The following RELN variants were observed in gnomAD, a reference collection of about 807,000 sequenced individuals.
RELN encodes the protein reelin.
A neutral mutation model predicts 427.6 loss-of-function variants in RELN; 108 were observed. The ratio of observed to expected loss-of-function variants is 0.25; its 90% CI spans 0.22 to 0.30. The LOEUF (loss-of-function observed/expected upper bound fraction) is 0.30. Among genes scored for constraint, RELN ranks in the 10% least tolerant of loss-of-function variants. The probability of loss-of-function intolerance (pLI) is 1.00; values close to 1 mark genes in which losing one functional copy is unlikely to be tolerated. For missense variants in RELN, 3,715 were observed against 4,302.8 expected (o/e 0.86, Z 3.82); for synonymous variants, 1,524 against 1,513.4 (o/e 1.01, Z -0.16).
chr7:103,739,499 T>C (rs531793051), intron 6 of RELN, among the ~76,000 whole-genome samples: 1 of 152,292 alleles, frequency 6.6e-6, no homozygotes, highest in East Asian at 1.9e-4. Context: ...GTGGTATTCA[T>C]TCATTTGTGC....
intron 51 of RELN, among the ~76,000 whole-genome samples, chr7:103,510,244 C>T (rs917803085): frequency 3.9e-5 from 6 of 152,116 alleles, no homozygotes; most frequent in African/African-American, 1.4e-4. Context: ...CAACCAAATG[C>T]CCATCAATGA....
chr7:103,942,926 T>A (rs983230933), intron 1 of RELN, among the ~76,000 whole-genome samples: 7 of 143,882 alleles, frequency 4.9e-5, no homozygotes, highest in Non-Finnish European at 3.1e-5. Flanking sequence ...AAAAAAAAAA[T>A]TCTTAAAAGT....
In RELN at chr7:103,696,805, A is replaced by G. The variant is rs550962105; in HGVS notation, c.1143+1048T>C. ...CGTTCAGTCCTCTATCCTCAAAGGG[A>G]TATTTCAAAAACAAATATGATTGGC... On this transcript the variant is annotated intron_variant, in intron 10 of 64. Coordinates refer to ENST00000428762, the MANE Select transcript of RELN (RefSeq NM_005045.4). Among the ~76,000 whole-genome samples, 11 of 152,220 alleles carry G rather than the reference A, an allele frequency of 7.2e-5. No individual in the cohort carries two copies. In the East Asian group the frequency reaches 2.1e-3, roughly 29 times the overall value.
At chr7:103,786,666 T>C (rs1488638533) in intron 3 of RELN, among the ~76,000 whole-genome samples, 2 of 152,098 alleles carry the variant, frequency 1.3e-5, no homozygotes, top group African/African-American at 2.4e-5. Context: ...CCTAAATATA[T>C]ATGCATCCAA....
intron 2 of RELN, among the ~76,000 whole-genome samples, chr7:103,903,931 C>T (rs1438179658): frequency 6.6e-6 from 1 of 151,944 alleles, no homozygotes; most frequent in Non-Finnish European, 1.5e-5. Flanking sequence ...TGGTTTGCTG[C>T]ACCTATCAAC....
At chr7:103,866,527 GACC>G (rs1794201259) in intron 2 of RELN, among the ~76,000 whole-genome samples, 1 of 151,850 alleles carries the variant, frequency 6.6e-6, no homozygotes, top group Non-Finnish European at 1.5e-5. Flanking sequence ...ACATGATTTG[GACC>G]CCAGTAAATC....
At chr7:103,504,251 T>C (rs796136156) in intron 51 of RELN, among the ~76,000 whole-genome samples, 2 of 152,184 alleles carry the variant, frequency 1.3e-5, no homozygotes, top group South Asian at 2.1e-4. Flanking sequence ...ATAGTTAGTA[T>C]TAATAGAGAG....
intron 2 of RELN, among the ~76,000 whole-genome samples, chr7:103,842,757 T>C (rs1355672859): frequency 2.0e-5 from 3 of 152,242 alleles, no homozygotes; most frequent in Non-Finnish European, 4.4e-5. Context: ...TGTGTATCTA[T>C]GGACTTAAGT....
At chr7:103,560,566 A>T (rs188854186) in intron 36 of RELN, among the ~76,000 whole-genome samples, 44 of 152,302 alleles carry the variant, frequency 2.9e-4, no homozygotes, top group Admixed American at 2.6e-3. Flanking sequence ...TAGTCTTGTC[A>T]ACTGGTTCAA....
At chr7:103,735,513 G>GGAT (rs1489772342) in intron 6 of RELN, among the ~76,000 whole-genome samples, 1 of 152,076 alleles carries the variant, frequency 6.6e-6, no homozygotes, top group Non-Finnish European at 1.5e-5. Context: ...AAGAGGAGGA[G>GGAT]GATGAATGAG....
chr7:103,643,681 G>T (rs1450005107), intron 16 of RELN, among the ~76,000 whole-genome samples: 1 of 151,936 alleles, frequency 6.6e-6, no homozygotes, highest in Non-Finnish European at 1.5e-5. Flanking sequence ...AATTCCATCA[G>T]ACTAACAGTG....
rs2116986832 is a variant in RELN, at chr7:103,486,339, C to T, written c.9841G>A (p.Ala3281Thr). Reference protein sequence around the residue: ...DNFESARVTEANWETIQGGVI... With the variant: ...DNFESARVTETNWETIQGGVI... ...CCACCTTGAATGGTCTCCCAGTTTG[C>T]CTCGGTGACTCTTGCGGACTCAAAA... is the stretch of plus-strand genomic sequence containing the variant. The change falls in exon 61 of 65, where the codon GCA (alanine) becomes ACA (threonine). Residue 3281 changes from alanine (A) to threonine (T), a missense_variant. This residue lies in a region of RELN where 195 missense variants were observed against 281.3 expected (regional missense o/e 0.69). Coordinates refer to ENST00000428762, the MANE Select transcript of RELN (RefSeq NM_005045.4). 2 of 1,614,138 alleles carry T rather than the reference C, an allele frequency of 1.2e-6. No individual in the cohort carries two copies. Among genetic ancestry groups the T allele is most frequent in the Non-Finnish European group, 8.5e-7 (1 of 1,180,018 alleles).
chr7:103,864,315 C>A (rs1794142049), intron 2 of RELN, among the ~76,000 whole-genome samples: 2 of 152,020 alleles, frequency 1.3e-5, no homozygotes, highest in South Asian at 4.1e-4. Context: ...AATACGAGGT[C>A]CACCCTCTTT....
intron 43 of RELN, 121 bp from the exon 44 acceptor site, chr7:103,540,576 A>T: frequency 5.9e-6 from 5 of 842,872 alleles, no homozygotes. Flanking sequence ...TGGCGATTTA[A>T]TGAGTGTCCA....
chr7:103,816,334 G>A (rs892767631), intron 3 of RELN, among the ~76,000 whole-genome samples: 2 of 152,122 alleles, frequency 1.3e-5, no homozygotes, highest in African/African-American at 4.8e-5. Context: ...AGCCGAGATC[G>A]TGCCACTGCA....
intron 40 of RELN, among the ~76,000 whole-genome samples, chr7:103,552,115 C>T (rs1444304564): frequency 6.6e-6 from 1 of 152,218 alleles, no homozygotes; most frequent in African/African-American, 2.4e-5. Flanking sequence ...TCCTTCTCCT[C>T]CCCACCCTGG....
At chr7:103,797,237 G>C (rs1792328350) in intron 3 of RELN, among the ~76,000 whole-genome samples, 1 of 152,044 alleles carries the variant, frequency 6.6e-6, no homozygotes, top group African/African-American at 2.4e-5. Context: ...CGAGTAGCTG[G>C]GATTACAGGC....
At chr7:103,899,402 G>A (rs552719531) in intron 2 of RELN, among the ~76,000 whole-genome samples, 3 of 152,012 alleles carry the variant, frequency 2.0e-5, no homozygotes, top group Admixed American at 6.6e-5. Flanking sequence ...AAACTATGCC[G>A]AACATTAGAA....
chr7:103,647,963 AT>A (rs1374933808), intron 16 of RELN, among the ~76,000 whole-genome samples: 2 of 152,106 alleles, frequency 1.3e-5, no homozygotes, highest in Non-Finnish European at 2.9e-5. Context: ...AGAACACCCT[AT>A]TCAATAAATG....
Sources: allele counts gnomAD v4.1 joint callset (sites outside exome capture counted in the v4.1 genomes callset), GRCh38; gene constraint gnomAD v4.1.1; regional missense constraint gnomAD v4.1.1; transcripts MANE v1.5; gene names NCBI Gene and HGNC (gene_info 2026-07-23, HGNC 2026-07-21).